EPB41L4B: variants seen among roughly 807,000 people sequenced by gnomAD.
The protein encoded by EPB41L4B is band 4.1-like protein 4B.
In EPB41L4B, 30 loss-of-function variants were observed where a neutral mutation model predicts 112.5. The observed-to-expected ratio is 0.27, with a 90% CI of 0.20 to 0.36. The LOEUF is 0.36. Ranked by LOEUF, EPB41L4B falls within the 10% of genes least tolerant of loss-of-function variation. EPB41L4B has a pLI of 1.00. For missense variants in EPB41L4B, 1,024 were observed against 1,133.3 expected (o/e 0.90, Z 1.38); for synonymous variants, 408 against 439.7 (o/e 0.93, Z 0.90).
intron 22 of EPB41L4B, among the ~76,000 whole-genome samples, chr9:109,187,658 G>C (rs1722171723): frequency 6.6e-6 from 1 of 152,256 alleles, no homozygotes; most frequent in Admixed American, 6.5e-5. Flanking sequence ...GGGGACCCAG[G>C]CCACTGGGTC....
intron 15 of EPB41L4B, among the ~76,000 whole-genome samples, chr9:109,228,588 C>A (rs911811129): frequency 1.3e-5 from 2 of 152,132 alleles, no homozygotes; most frequent in African/African-American, 4.8e-5. Flanking sequence ...TCTGTTTGTT[C>A]TCTTCACTCT....
chr9:109,226,680 TGAA>T lies in EPB41L4B; in HGVS notation c.1410-9538_1410-9536del, dbSNP rs1420110583. 7.5e-5 allele frequency among the ~76,000 whole-genome samples: 5 copies of T among 66,428 alleles called. 1 individual carries two copies. Among genetic ancestry groups the T allele is most frequent in the African/African-American group, 1.1e-4 (2 of 17,618 alleles). 43.6% of individuals were successfully genotyped at this position (66,428 alleles called of 152,430 possible). A position where few individuals can be genotyped will look rare whatever the true frequency, so the allele number is the denominator to read the frequency against. Reference sequence around the variant, plus strand: ...TATATATATGAAGAATATATATATATGAAGAATATATATATGAATATATATATG... The same window carrying T: ...TATATATATGAAGAATATATATATATGAATATATATATGAATATATATATG... On this transcript the variant is annotated intron_variant, in intron 15 of 25. Coordinates refer to ENST00000374566, the MANE Select transcript of EPB41L4B (RefSeq NM_019114.5).
rs753258306 is a variant in EPB41L4B, at chr9:109,207,911, G to C, written c.1878+13C>G. ...ATAACATGAAATCAAAGGAATGTATGCATTCTGCGCACCTGGATGTTCACT... is the reference window on the plus strand; with the variant it reads ...ATAACATGAAATCAAAGGAATGTATCCATTCTGCGCACCTGGATGTTCACT... On this transcript the variant is annotated intron_variant, in intron 18 of 25. Coordinates refer to ENST00000374566, the MANE Select transcript of EPB41L4B (RefSeq NM_019114.5). 6.2e-7 allele frequency: 1 copy of C among 1,613,966 alleles called. No individual in the cohort carries two copies. The highest frequency in any genetic ancestry group is 2.2e-5 in the East Asian group (1 of 44,874).
At position 109,286,165 on chromosome 9, in the gene EPB41L4B, G is replaced by GTGGA. The variant is rs1220345971; in HGVS notation, c.307-6248_307-6245dup. On this transcript the variant is annotated intron_variant, in intron 1 of 25. Coordinates refer to ENST00000374566, the MANE Select transcript of EPB41L4B (RefSeq NM_019114.5). ...GGAGGGTAGGTGGGTGGGTGGGTGG[G>GTGGA]TGGATGGATGGATGGATGGATGGAT... Among the ~76,000 whole-genome samples the GTGGA allele has an allele frequency of 1.5e-3, 167 of 112,010 alleles. No homozygotes were observed. The East Asian group carries it at 0.02, about 14-fold the overall frequency. The allele number at this position is 112,010 out of a possible 152,430, so 73.5% of individuals were successfully genotyped here.
chr9:109,262,444 TGTGTGGGG>T (rs756523372), intron 6 of EPB41L4B, among the ~76,000 whole-genome samples: 10 of 40,520 alleles, frequency 2.5e-4, no homozygotes, highest in African/African-American at 3.4e-4. Context: ...TTTCTTGGTG[TGTGTGGGG>T]GTGTGTGTGT....
chr9:109,240,813 T>C (rs1381443504), intron 15 of EPB41L4B: 8 of 985,366 alleles, frequency 8.1e-6, no homozygotes, highest in Non-Finnish European at 8.4e-6. Flanking sequence ...TCTGACAGTG[T>C]GTATTCACAA....
chr9:109,261,540 A>G (rs1169298852), intron 6 of EPB41L4B, among the ~76,000 whole-genome samples: 1 of 152,204 alleles, frequency 6.6e-6, no homozygotes, highest in Non-Finnish European at 1.5e-5. Flanking sequence ...AGTTTCAGGT[A>G]ATGGGAGCAT....
chr9:109,289,925 T>C (rs1836462424), intron 1 of EPB41L4B, among the ~76,000 whole-genome samples: 1 of 152,238 alleles, frequency 6.6e-6, no homozygotes, highest in African/African-American at 2.4e-5. Context: ...AGTTTGTTAT[T>C]CCACTTATCA....
intron 17 of EPB41L4B, among the ~76,000 whole-genome samples, chr9:109,209,389 G>A (rs547357680): frequency 6.6e-6 from 1 of 151,782 alleles, no homozygotes; most frequent in African/African-American, 2.4e-5. Flanking sequence ...GGCTGGGCAC[G>A]GTGGCTCACA....
At chr9:109,288,338 T>G (rs1330442002) in intron 1 of EPB41L4B, among the ~76,000 whole-genome samples, 2 of 152,086 alleles carry the variant, frequency 1.3e-5, no homozygotes, top group Non-Finnish European at 2.9e-5. Context: ...ATCCCAATAG[T>G]TTGGGAGGCC....
intron 15 of EPB41L4B, among the ~76,000 whole-genome samples, chr9:109,226,905 A>G: frequency 6.6e-6 from 1 of 151,504 alleles, no homozygotes; most frequent in East Asian, 1.9e-4. Flanking sequence ...TGGCACAATC[A>G]TAGCTCACTT....
intron 20 of EPB41L4B, among the ~76,000 whole-genome samples, chr9:109,195,642 T>A (rs1350703468): frequency 6.6e-6 from 1 of 152,242 alleles, no homozygotes; most frequent in East Asian, 1.9e-4. Context: ...GATTGTGAAA[T>A]TATTTGTTCA....
chr9:109,196,290 T>A (rs755264127), intron 20 of EPB41L4B: 1 of 152,142 alleles, frequency 6.6e-6, no homozygotes, highest in Non-Finnish European at 1.5e-5. Flanking sequence ...TTTTAGTATA[T>A]GTGATGCCAA....
At chr9:109,225,637 G>A (rs1246651824) in intron 15 of EPB41L4B, among the ~76,000 whole-genome samples, 1 of 152,240 alleles carries the variant, frequency 6.6e-6, no homozygotes, top group African/African-American at 2.4e-5. Context: ...AATTTGAGAT[G>A]AGATTTGGGC....
At chr9:109,189,014 T>C (rs12345287) in intron 22 of EPB41L4B, among the ~76,000 whole-genome samples, 5,242 of 151,746 alleles carry the variant, frequency 0.035, 287 homozygotes, top group African/African-American at 0.12. Flanking sequence ...CAATGTACCC[T>C]CCCCCAACTC....
intron 15 of EPB41L4B, among the ~76,000 whole-genome samples, chr9:109,217,901 C>T (rs1833432708): frequency 7.0e-6 from 1 of 143,256 alleles, no homozygotes; most frequent in Non-Finnish European, 1.6e-5. Flanking sequence ...CAGTGGACCA[C>T]CTCCTTTTAA....
intron 1 of EPB41L4B, among the ~76,000 whole-genome samples, chr9:109,309,474 C>T (rs988977449): frequency 6.6e-6 from 1 of 152,148 alleles, no homozygotes; most frequent in Non-Finnish European, 1.5e-5. Flanking sequence ...AGAAGCGGAA[C>T]GGGATACGGG....
chr9:109,290,784 C>CACA (rs1564324053), intron 1 of EPB41L4B, among the ~76,000 whole-genome samples: 50 of 147,546 alleles, frequency 3.4e-4, no homozygotes, highest in African/African-American at 1.3e-3. Flanking sequence ...ACACACACAC[C>CACA]CCCCACCAAG....
intron 15 of EPB41L4B, among the ~76,000 whole-genome samples, chr9:109,231,405 C>T (rs1588154150): frequency 6.6e-6 from 1 of 152,184 alleles, no homozygotes; most frequent in South Asian, 2.1e-4. Flanking sequence ...CAGCACTGCA[C>T]AGAAACATAG....
Sources: gnomAD v4.1 joint callset for allele counts (sites outside exome capture counted in the v4.1 genomes callset) on GRCh38, gnomAD v4.1.1 for gene constraint, MANE v1.5 for transcripts, NCBI Gene and HGNC (gene_info 2026-07-23, HGNC 2026-07-21) for gene names.